The following GBE1 variants were observed in gnomAD, a reference collection of about 807,000 sequenced individuals.
GBE1 encodes the protein 1,4-alpha-glucan-branching enzyme.
Under a neutral mutation model 88.8 loss-of-function variants are expected in GBE1, and 70 were observed. That is an observed-to-expected ratio of 0.79 (90% CI 0.65 to 0.96). The LOEUF (loss-of-function observed/expected upper bound fraction) is 0.96. Ranked by LOEUF, GBE1 falls within the 40% of genes least tolerant of loss-of-function variation. The probability of loss-of-function intolerance (pLI) is 0.00; values close to 1 mark genes in which losing one functional copy is unlikely to be tolerated. For missense variants in GBE1, 872 were observed against 871.0 expected (o/e 1.00, Z -0.01); for synonymous variants, 284 against 300.1 (o/e 0.95, Z 0.56).
intron 3 of GBE1, among the ~76,000 whole-genome samples, chr3:81,652,925 C>T (rs537918129): frequency 2.7e-4 from 41 of 152,086 alleles, no homozygotes; most frequent in African/African-American, 7.2e-4. Context: ...AAATTCCAGT[C>T]GGAAAAATTT....
At position 81,578,510 on chromosome 3, in the gene GBE1, AAT is replaced by A. The variant is rs1008099989; in HGVS notation, c.1447-416_1447-415del. Among the ~76,000 whole-genome samples the A allele has an allele frequency of 7.3e-5, 11 of 150,780 alleles. No individual in the cohort carries two copies. In the East Asian group the frequency reaches 9.7e-4, roughly 13 times the overall value. ...AGTTTCTGAAAAATCATTGATATAT[AAT>A]ATATATATATTATTTTGCTCATATA... On this transcript the variant is annotated intron_variant, in intron 11 of 15. Transcript: ENST00000429644.
intron 2 of GBE1, among the ~76,000 whole-genome samples, chr3:81,681,154 G>A (rs994948349): frequency 3.3e-5 from 5 of 152,218 alleles, no homozygotes; most frequent in African/African-American, 9.7e-5. Context: ...GCATGAAGGA[G>A]AAGAAATTGT....
intron 2 of GBE1, among the ~76,000 whole-genome samples, chr3:81,679,157 TA>T (rs540973752): frequency 6.6e-6 from 1 of 152,082 alleles, no homozygotes; most frequent in Non-Finnish European, 1.5e-5. Flanking sequence ...ATTTCTGTAA[TA>T]AAAAAATAAA....
chr3:81,632,136 A>T (rs1704522099), intron 7 of GBE1, among the ~76,000 whole-genome samples: 1 of 152,086 alleles, frequency 6.6e-6, no homozygotes, highest in South Asian at 2.1e-4. Context: ...AAGGACATGA[A>T]CTCATTCTTT....
intron 15 of GBE1, among the ~76,000 whole-genome samples, chr3:81,497,687 G>T (rs934281523): frequency 1.2e-4 from 19 of 152,112 alleles, no homozygotes; most frequent in Non-Finnish European, 1.5e-5. Flanking sequence ...TAAGAATTTT[G>T]CTGTCTGAGT....
intron 3 of GBE1, among the ~76,000 whole-genome samples, chr3:81,656,704 G>A (rs114293995): frequency 0.028 from 4,293 of 152,232 alleles, 221 homozygotes; most frequent in African/African-American, 0.094. Flanking sequence ...TAATACATTT[G>A]TCTTGTGTTC....
At chr3:81,518,098 C>A (rs920817986) in intron 14 of GBE1, among the ~76,000 whole-genome samples, 1 of 151,362 alleles carries the variant, frequency 6.6e-6, no homozygotes, top group Admixed American at 6.6e-5. Flanking sequence ...TCCTCCCCCC[C>A]AAACCCCAAT....
chr3:81,649,082 A>G, intron 4 of GBE1, 91 bp from the exon 5 acceptor site: 1 of 850,212 alleles, frequency 1.2e-6, no homozygotes, highest in Admixed American at 3.2e-5. Context: ...TGGTGAATAT[A>G]CTCAAACACT....
At chr3:81,589,603 TC>T (rs1290580954) in intron 9 of GBE1, among the ~76,000 whole-genome samples, 1 of 151,674 alleles carries the variant, frequency 6.6e-6, no homozygotes, top group African/African-American at 2.4e-5. Context: ...AGACCAGAGC[TC>T]CCTAGATGAT....
chr3:81,621,658 G>C (rs780394603), intron 7 of GBE1, among the ~76,000 whole-genome samples: 1 of 151,972 alleles, frequency 6.6e-6, no homozygotes, highest in East Asian at 1.9e-4. Context: ...GAATTCTCAC[G>C]GTCTATTACC....
At chr3:81,711,943 T>C (rs1176011623) in intron 1 of GBE1, among the ~76,000 whole-genome samples, 1 of 151,844 alleles carries the variant, frequency 6.6e-6, no homozygotes, top group Non-Finnish European at 1.5e-5. Context: ...TACAAAGAAC[T>C]CAAACAAATT....
Position 81,730,449 on chromosome 3 carries a change from A to G in GBE1, c.144-24836T>C, listed in dbSNP as rs139476252. Among the ~76,000 whole-genome samples, 364 of 152,298 alleles carry G rather than the reference A, an allele frequency of 2.4e-3. 5 individuals carry two copies. Among genetic ancestry groups the G allele is most frequent in the African/African-American group, 8.4e-3 (349 of 41,572 alleles). On this transcript the variant is annotated intron_variant, in intron 1 of 15. Transcript: ENST00000429644. ...TGGAAGAATTTTGCTTCACTCCCCA[A>G]TTTTAGGCTTGGTGAGTTTGGAAGT...
chr3:81,645,584 G>A (rs1704751516), intron 6 of GBE1, among the ~76,000 whole-genome samples: 1 of 152,152 alleles, frequency 6.6e-6, no homozygotes, highest in African/African-American at 2.4e-5. Context: ...CTTATTGAGG[G>A]AGAACTAATA....
chr3:81,649,382 T>G (rs1437021655), intron 4 of GBE1, among the ~76,000 whole-genome samples: 1 of 152,008 alleles, frequency 6.6e-6, no homozygotes, highest in African/African-American at 2.4e-5. Flanking sequence ...AATATGGCGG[T>G]AAAAATTACC....
At chr3:81,542,568 T>A (rs9825828) in intron 12 of GBE1, among the ~76,000 whole-genome samples, 10,103 of 152,124 alleles carry the variant, frequency 0.066, 566 homozygotes, top group African/African-American at 0.15. Flanking sequence ...GTATTTTTCA[T>A]CATGTATATT....
At chr3:81,520,347 T>C (rs1339027506) in intron 14 of GBE1, among the ~76,000 whole-genome samples, 1 of 151,550 alleles carries the variant, frequency 6.6e-6, no homozygotes, top group Admixed American at 6.6e-5. Flanking sequence ...TCATTATTAC[T>C]ATACTATATT....
chr3:81,652,426 A>G lies in GBE1; in HGVS notation c.430-2505T>C, dbSNP rs115762376. On this transcript the variant is annotated intron_variant, in intron 3 of 15. Coordinates refer to ENST00000429644, the MANE Select transcript of GBE1 (RefSeq NM_000158.4). The stretch of plus-strand genomic sequence containing the variant: ...TTTGCTCATTCACTGAATAACTTCA[A>G]TATTTTGTTTCCAAAGGTTCTGTCT... Among the ~76,000 whole-genome samples the G allele has an allele frequency of 5.4e-3, 830 of 152,342 alleles. 12 individuals carry two copies. Among genetic ancestry groups the G allele is most frequent in the African/African-American group, 0.015 (607 of 41,574 alleles).
intron 2 of GBE1, among the ~76,000 whole-genome samples, chr3:81,697,582 G>A (rs905184093): frequency 6.6e-6 from 1 of 152,120 alleles, no homozygotes; most frequent in East Asian, 1.9e-4. Flanking sequence ...TTACAGGCGT[G>A]AGCCACTGCG....
chr3:81,628,887 AT>A (rs1408001953), intron 7 of GBE1, among the ~76,000 whole-genome samples: 1 of 149,390 alleles, frequency 6.7e-6, no homozygotes, highest in African/African-American at 2.5e-5. Context: ...CCTGAGTCAT[AT>A]TTGAGAGGTA....
Sources: gnomAD v4.1 joint callset for allele counts (sites outside exome capture counted in the v4.1 genomes callset) on GRCh38, gnomAD v4.1.1 for gene constraint, MANE v1.5 for transcripts, NCBI Gene and HGNC (gene_info 2026-07-23, HGNC 2026-07-21) for gene names.